Variants in TENM3 observed in about 807,000 individuals in gnomAD.
The protein encoded by TENM3 is teneurin-3.
A neutral mutation model predicts 255.1 loss-of-function variants in TENM3; 63 were observed. The ratio of observed to expected loss-of-function variants is 0.25; its 90% CI spans 0.20 to 0.30. The LOEUF is 0.30. Ranked by LOEUF, TENM3 falls within the 10% of genes least tolerant of loss-of-function variation. The pLI, the probability that TENM3 is intolerant of heterozygous loss-of-function variation, is 1.00. For missense variants in TENM3, 2,929 were observed against 3,461.1 expected (o/e 0.85, Z 3.86); for synonymous variants, 1,306 against 1,322.3 (o/e 0.99, Z 0.27).
chr4:181,646,417 G>A, the TENM3 span, among the ~76,000 whole-genome samples: 1 of 152,104 alleles, frequency 6.6e-6, no homozygotes. Context: ...CAAAACAAGA[G>A]GAAGGTGTTT....
chr4:181,939,967 T>C, the TENM3 span, among the ~76,000 whole-genome samples: 2 of 152,206 alleles, frequency 1.3e-5, no homozygotes, highest in African/African-American at 4.8e-5. Flanking sequence ...GACAAGCAAT[T>C]GACTGAGTGG....
intron 7 of TENM3, among the ~76,000 whole-genome samples, chr4:182,678,532 A>G (rs1009023131): frequency 3.2e-4 from 49 of 152,178 alleles, no homozygotes; most frequent in Non-Finnish European, 3.7e-4. Flanking sequence ...GGGTCACAAG[A>G]GAGGTGGAGT....
At chr4:181,896,194 G>T in the TENM3 span, among the ~76,000 whole-genome samples, 2 of 152,170 alleles carry the variant, frequency 1.3e-5, no homozygotes, top group African/African-American at 2.4e-5. Context: ...TGAGTGATTT[G>T]TTGGGAAGTG....
At chr4:181,687,111 A>T in the TENM3 span, among the ~76,000 whole-genome samples, 1 of 152,200 alleles carries the variant, frequency 6.6e-6, no homozygotes, top group Non-Finnish European at 1.5e-5. Context: ...ATGCCAAATT[A>T]GTAATTTTAT....
chr4:182,018,393 A>G, the TENM3 span, among the ~76,000 whole-genome samples: 1 of 151,998 alleles, frequency 6.6e-6, no homozygotes, highest in Non-Finnish European at 1.5e-5. Context: ...AAAAAAATTG[A>G]CTGAGTTGTA....
rs1762565996 is a variant in TENM3 at position 182,754,270 on chromosome 4, TCAGA to T, written c.4018-111_4018-108del. ...ACTGAGGCTATTGAAAAAACTATTA[TCAGA>T]CAGTTTATCTCAGATTAATGCCAAT... On this transcript the variant is annotated intron_variant, in intron 21 of 27. Transcript: ENST00000511685. The surrounding 1 kb of genome is among the most constrained non-coding windows in gnomAD (Gnocchi z 5.1). 2.7e-6 allele frequency: 3 copies of T among 1,101,220 alleles called. No homozygotes were observed. The highest frequency in any genetic ancestry group is 3.8e-6 in the Non-Finnish European group (3 of 791,376). The allele number at this position is 1,101,220 out of a possible 1,614,324, so 68.2% of individuals were successfully genotyped here. A position where few individuals can be genotyped will look rare whatever the true frequency, so the allele number is the denominator to read the frequency against.
the TENM3 span, among the ~76,000 whole-genome samples, chr4:181,884,805 CATT>C: frequency 4.6e-5 from 7 of 152,094 alleles, no homozygotes; most frequent in Non-Finnish European, 1.0e-4. Context: ...CAATTCAAAT[CATT>C]GTCTCAGTTA....
the TENM3 span, among the ~76,000 whole-genome samples, chr4:181,854,345 T>C: frequency 6.6e-6 from 1 of 152,206 alleles, no homozygotes; most frequent in Non-Finnish European, 1.5e-5. Context: ...AATGATTCCA[T>C]GGCCTCAAGC....
intron 1 of TENM3, among the ~76,000 whole-genome samples, chr4:182,209,853 C>T (rs1361829627): frequency 6.6e-6 from 1 of 152,004 alleles, no homozygotes; most frequent in Admixed American, 6.6e-5. Flanking sequence ...CTGGCTCTCT[C>T]TCTCAGTTGA....
In TENM3 at chr4:182,757,088, G is replaced by A. The variant is rs182791660; in HGVS notation, c.4892+1829G>A. On this transcript the variant is annotated intron_variant, in intron 22 of 27. Coordinates refer to ENST00000511685, the MANE Select transcript of TENM3 (RefSeq NM_001080477.4). ...AGCACTTTGGGAGGCCGAGGCAGGC[G>A]GATCACGAGGTCAGGAGATCAAGAC... 1.0e-3 allele frequency among the ~76,000 whole-genome samples: 158 copies of A among 152,078 alleles called. 1 individual carries two copies. Among genetic ancestry groups the A allele is most frequent in the East Asian group, 3.3e-3 (17 of 5,170 alleles).
the TENM3 span, among the ~76,000 whole-genome samples, chr4:181,729,785 CT>C: frequency 6.6e-6 from 1 of 152,134 alleles, no homozygotes; most frequent in South Asian, 2.1e-4. Flanking sequence ...CAGCTCACTG[CT>C]ATGTACATTT....
intron 3 of TENM3, among the ~76,000 whole-genome samples, chr4:182,470,652 T>C (rs4861513): frequency 1 from 151,887 of 152,344 alleles, 75,718 homozygotes; most frequent in Middle Eastern, 1. Flanking sequence ...GCTTTTGAGC[T>C]CCTGTAGACA....
intron 3 of TENM3, among the ~76,000 whole-genome samples, chr4:182,436,497 CACAT>C (rs1368104611): frequency 2.0e-5 from 3 of 152,146 alleles, no homozygotes; most frequent in African/African-American, 7.2e-5. Flanking sequence ...ACGTGTGTGA[CACAT>C]ACAAAGAGCC....
intron 3 of TENM3, among the ~76,000 whole-genome samples, chr4:182,565,509 T>C (rs1743686239): frequency 6.6e-6 from 1 of 152,206 alleles, no homozygotes; most frequent in Non-Finnish European, 1.5e-5. Context: ...TATTCAACCA[T>C]AGAATTTTTA....
chr4:182,083,146 CTTAA>C, the TENM3 span, among the ~76,000 whole-genome samples: 3 of 152,182 alleles, frequency 2.0e-5, no homozygotes, highest in Non-Finnish European at 4.4e-5. Context: ...AGACCTACAA[CTTAA>C]TTAAATTATC....
chr4:181,613,543 G>C, the TENM3 span, among the ~76,000 whole-genome samples: 5 of 152,190 alleles, frequency 3.3e-5, no homozygotes, highest in African/African-American at 1.2e-4. Flanking sequence ...AAGGTCTACT[G>C]TGCTGGGAAC....
chr4:181,990,569 G>A, the TENM3 span, among the ~76,000 whole-genome samples: 1 of 152,194 alleles, frequency 6.6e-6, no homozygotes, highest in South Asian at 2.1e-4. Context: ...CTATGGGAGT[G>A]ATATGGAGCC....
chr4:181,783,018 G>T, the TENM3 span, among the ~76,000 whole-genome samples: 2 of 152,134 alleles, frequency 1.3e-5, no homozygotes, highest in Non-Finnish European at 2.9e-5. Flanking sequence ...TTTTACATTT[G>T]CTGAGGAGTG....
the TENM3 span, among the ~76,000 whole-genome samples, chr4:181,790,623 C>T: frequency 1.3e-5 from 2 of 152,154 alleles, no homozygotes; most frequent in African/African-American, 4.8e-5. Context: ...TGGAAGGAAA[C>T]CTATCCATCC....
Sources: gnomAD v4.1 joint callset for allele counts (sites outside exome capture counted in the v4.1 genomes callset) on GRCh38, gnomAD v4.1.1 for gene constraint, Gnocchi (gnomAD v3.1) non-coding constraint, MANE v1.5 for transcripts, NCBI Gene and HGNC (gene_info 2026-07-23, HGNC 2026-07-21) for gene names.